The following VRK1 variants were observed in gnomAD, a reference collection of about 807,000 sequenced individuals.
VRK1 encodes the protein VRK serine/threonine kinase 1.
VRK1 carries 33 observed loss-of-function variants against 57.1 expected under a neutral mutation model. The observed-to-expected ratio is 0.58, with a 90% CI of 0.44 to 0.77. VRK1 has a LOEUF of 0.77. VRK1 is among the 30% of genes least tolerant of loss of function. The pLI, the probability that VRK1 is intolerant of heterozygous loss-of-function variation, is 0.00. For missense variants in VRK1, 413 were observed against 477.3 expected (o/e 0.87, Z 1.25); for synonymous variants, 137 against 147.8 (o/e 0.93, Z 0.53).
At chr14:96,839,969 A>C (rs1416464914) in intron 3 of VRK1, among the ~76,000 whole-genome samples, 2 of 152,200 alleles carry the variant, frequency 1.3e-5, no homozygotes, top group Non-Finnish European at 2.9e-5. Context: ...ATGGTGTATT[A>C]TAGTTTTTAC....
intron 1 of VRK1, among the ~76,000 whole-genome samples, chr14:96,828,211 A>G (rs1425722587): frequency 6.6e-6 from 1 of 152,192 alleles, no homozygotes; most frequent in Non-Finnish European, 1.5e-5. Flanking sequence ...AGCTGTTATC[A>G]TTCTTGTACA....
intron 1 of VRK1, among the ~76,000 whole-genome samples, chr14:96,812,309 T>C (rs12897302): frequency 3.5e-4 from 54 of 152,214 alleles, no homozygotes; most frequent in African/African-American, 1.3e-3. Context: ...GGTAATTCTT[T>C]AAGTTCTTTA....
intron 11 of VRK1, among the ~76,000 whole-genome samples, chr14:96,872,969 C>T (rs1274265205): frequency 6.6e-6 from 1 of 152,078 alleles, no homozygotes; most frequent in Non-Finnish European, 1.5e-5. Flanking sequence ...TTCTATAGCA[C>T]ATATGACATA....
chr14:96,841,834 C>CA (rs397933004), intron 3 of VRK1, among the ~76,000 whole-genome samples: 10,233 of 136,078 alleles, frequency 0.075, 386 homozygotes, highest in South Asian at 0.12. Context: ...GACTCTATCT[C>CA]AAAAAAAAAA....
intron 7 of VRK1, among the ~76,000 whole-genome samples, chr14:96,853,447 A>G (rs1888029129): frequency 6.6e-6 from 1 of 152,158 alleles, no homozygotes; most frequent in Non-Finnish European, 1.5e-5. Context: ...GCTTAAAATT[A>G]TATAGTACAC....
intron 12 of VRK1, among the ~76,000 whole-genome samples, chr14:96,877,145 T>TA (rs889460786): frequency 6.6e-6 from 1 of 151,658 alleles, no homozygotes; most frequent in Non-Finnish European, 1.5e-5. Flanking sequence ...TATTTTTGGT[T>TA]AAAAAAAAAT....
intron 1 of VRK1, among the ~76,000 whole-genome samples, chr14:96,808,025 GTGTGTGTGT>G (rs1885973275): frequency 2.8e-5 from 1 of 35,728 alleles, no homozygotes; most frequent in African/African-American, 8.0e-5. Context: ...CTCTGTGTGT[GTGTGTGTGT>G]GTGTGTGTGT....
Position 96,867,764 on chromosome 14 carries a change from T to G in VRK1, c.1068+7029T>G, listed in dbSNP as rs988446649. Among the ~76,000 whole-genome samples, 7 of 152,230 alleles carry G rather than the reference T, an allele frequency of 4.6e-5. No homozygotes were observed. The East Asian group carries it at 9.6e-4, about 21-fold the overall frequency. On this transcript the variant is annotated intron_variant, in intron 11 of 12. Transcript: ENST00000216639. ...GCTGTTTTGTATAGATCTGTGGGCT[T>G]CTTCTTGCCCATTTGTTACATCTGT...
intron 3 of VRK1, among the ~76,000 whole-genome samples, chr14:96,842,400 A>G (rs763292465): frequency 4.1e-4 from 62 of 152,342 alleles, no homozygotes; most frequent in Middle Eastern, 3.4e-3. Flanking sequence ...CATTTAAAAC[A>G]TTATGGACTA....
intron 5 of VRK1, among the ~76,000 whole-genome samples, chr14:96,851,036 G>T (rs1407595304): frequency 6.6e-6 from 1 of 151,980 alleles, no homozygotes; most frequent in Non-Finnish European, 1.5e-5. Context: ...TGCAAAATCT[G>T]TTACACAAAG....
intron 8 of VRK1, 136 bp downstream of exon 8, chr14:96,855,492 C>A: frequency 7.5e-7 from 1 of 1,326,874 alleles, no homozygotes; most frequent in Non-Finnish European, 1.1e-6. Context: ...GGAAAGAAGG[C>A]AGAGGTGAGA....
At chr14:96,863,909 T>C (rs1196921961) in intron 11 of VRK1, among the ~76,000 whole-genome samples, 2 of 152,184 alleles carry the variant, frequency 1.3e-5, no homozygotes, top group Non-Finnish European at 2.9e-5. Context: ...GCTTTCTTCC[T>C]TTCTTTCTGA....
At chr14:96,869,341 T>C (rs979465852) in intron 11 of VRK1, among the ~76,000 whole-genome samples, 6 of 152,210 alleles carry the variant, frequency 3.9e-5, no homozygotes, top group African/African-American at 1.4e-4. Context: ...AACGTTTTCA[T>C]TTGAATCTGT....
In VRK1 at chr14:96,853,166, G is replaced by C. The variant is rs768222898; in HGVS notation, c.576G>C (p.Gln192His). ...NLLLNYKNPD[Q>H]VYLVDYGLAY... ...TTCTGAACTACAAGAATCCTGACCA[G>C]GTAGTTTTATAACTTTAATTTCTAC... The change falls in exon 7 of 13, where the codon CAG becomes CAC. Residue 192 changes from glutamine (Q) to histidine (H), a missense_variant and splice_region_variant. Gln to His is a conservative substitution (Grantham distance 24, BLOSUM62 0). Coordinates refer to ENST00000216639, the MANE Select transcript of VRK1 (RefSeq NM_003384.3). 2 of 1,612,050 alleles carry C rather than the reference G, an allele frequency of 1.2e-6. No homozygotes were observed. Among genetic ancestry groups the C allele is most frequent in the South Asian group, 2.2e-5 (2 of 91,062 alleles).
At chr14:96,818,890 G>A (rs777221311) in intron 1 of VRK1, among the ~76,000 whole-genome samples, 1 of 152,160 alleles carries the variant, frequency 6.6e-6, no homozygotes, top group South Asian at 2.1e-4. Flanking sequence ...AGGACCCTCT[G>A]TGTCACTGGG....
intron 9 of VRK1, 96 bp from the exon 10 acceptor site, chr14:96,856,432 G>C: frequency 4.4e-6 from 6 of 1,360,532 alleles, no homozygotes; most frequent in Non-Finnish European, 6.2e-6. Context: ...AGCATATTTA[G>C]GATGTAGCAC....
chr14:96,806,813 CCCCT>C (rs1000334748), intron 1 of VRK1, among the ~76,000 whole-genome samples: 1 of 150,822 alleles, frequency 6.6e-6, no homozygotes, highest in Non-Finnish European at 1.5e-5. Flanking sequence ...TCCCATCATT[CCCCT>C]CCCTCCCTCC....
intron 1 of VRK1, among the ~76,000 whole-genome samples, chr14:96,820,541 T>C (rs199639848): frequency 1.3e-5 from 2 of 152,238 alleles, no homozygotes; most frequent in East Asian, 3.8e-4. Flanking sequence ...GTGAGTTGTC[T>C]CTGCTGCTTT....
intron 1 of VRK1, among the ~76,000 whole-genome samples, chr14:96,803,340 T>G (rs1300014397): frequency 6.6e-6 from 1 of 151,912 alleles, no homozygotes; most frequent in Non-Finnish European, 1.5e-5. Flanking sequence ...ACCGCAAATT[T>G]TTGCATTTTA....
Sources: allele counts gnomAD v4.1 joint callset (sites outside exome capture counted in the v4.1 genomes callset), GRCh38; gene constraint gnomAD v4.1.1; transcripts MANE v1.5; gene names NCBI Gene and HGNC (gene_info 2026-07-23, HGNC 2026-07-21).